Variants in CENPE observed in about 807,000 individuals in gnomAD.
The protein encoded by CENPE is centromere-associated protein E.
In CENPE, 145 loss-of-function variants were observed where a neutral mutation model predicts 336.1. That is an observed-to-expected ratio of 0.43 (90% CI 0.38 to 0.50). The LOEUF is 0.50. CENPE is among the 20% of genes least tolerant of loss of function. The pLI is 0.00. For synonymous variants in CENPE, 1,013 were observed against 984.8 expected, an observed-to-expected ratio of 1.03 and a Z score of -0.54; for missense variants, 2,719 against 3,023.3, an observed-to-expected ratio of 0.90 and a Z score of 2.36.
At chr4:103,161,607 T>G (rs1311600799) in intron 18 of CENPE, 150 bp from the exon 19 acceptor site, 3 of 638,096 alleles carry the variant, frequency 4.7e-6, no homozygotes. Flanking sequence ...AATAATGTTT[T>G]CCTAATAAAA....
chr4:103,172,535 A>C (rs891943197), intron 16 of CENPE, among the ~76,000 whole-genome samples: 4 of 152,038 alleles, frequency 2.6e-5, no homozygotes, highest in Admixed American at 1.3e-4. Context: ...TCTAAGATCT[A>C]GAACAGGATA....
chr4:103,191,534 A>T (rs1374391714), intron 8 of CENPE, among the ~76,000 whole-genome samples: 4 of 152,086 alleles, frequency 2.6e-5, no homozygotes, highest in Non-Finnish European at 5.9e-5. Context: ...CATTCTCAGC[A>T]AACTATCGCA....
In CENPE at chr4:103,122,959, G is replaced by A; in HGVS notation, c.7055C>T (p.Ser2352Phe). 2 of 1,613,908 alleles carry A rather than the reference G, an allele frequency of 1.2e-6. No individual in the cohort carries two copies. Among genetic ancestry groups the A allele is most frequent in the Non-Finnish European group, 1.7e-6 (2 of 1,179,854 alleles). The change falls in exon 43 of 49, where the codon TCC (serine) becomes TTC (phenylalanine). Residue 2352 changes from serine (S) to phenylalanine (F), a missense_variant. Physicochemically the swap from Ser to Phe is radical, Grantham distance 155. Coordinates refer to ENST00000265148, the MANE Select transcript of CENPE (RefSeq NM_001813.3). ...LFKNYQTLKT[S>F]LASGAQVNPT... ...ATTAACCTGGGCACCAGATGCCAAG[G>A]AAGTCTTCAATGTTTGGTAGTTTTT...
chr4:103,136,496 A>T, intron 39 of CENPE, 137 bp from the exon 40 acceptor site: 1 of 518,004 alleles, frequency 1.9e-6, no homozygotes, highest in Non-Finnish European at 3.3e-6. Flanking sequence ...TTGTGTCTAA[A>T]AACAAAAGGA....
chr4:103,122,670 TATA>T (rs1013533093), intron 43 of CENPE, among the ~76,000 whole-genome samples, 198 bp downstream of exon 43: 12 of 152,232 alleles, frequency 7.9e-5, no homozygotes, highest in Admixed American at 3.3e-4. Context: ...ATTTATGTTT[TATA>T]ATAATATCTT....
chr4:103,140,688 CTTA>C lies in CENPE; in HGVS notation c.5754+123_5754+125del, dbSNP rs3052340. 290,960 of 744,454 alleles carry C rather than the reference CTTA, an allele frequency of 0.39. 57,694 individuals carry two copies. Among genetic ancestry groups the C allele is most frequent in the Middle Eastern group, 0.49 (1,778 of 3,650 alleles). The allele number at this position is 744,454 out of a possible 1,614,324, so 46.1% of individuals were successfully genotyped here. ...TAGTTTTCCATTATACAGATAGTGC[CTTA>C]TTATTGGTGGACACTTAGATTATTT... is the stretch of plus-strand genomic sequence containing the variant. On this transcript the variant is annotated intron_variant, in intron 36 of 48. Coordinates refer to ENST00000265148, the MANE Select transcript of CENPE (RefSeq NM_001813.3).
At chr4:103,126,643 A>T (rs562211758) in intron 42 of CENPE, among the ~76,000 whole-genome samples, 21 of 152,154 alleles carry the variant, frequency 1.4e-4, no homozygotes, top group Admixed American at 5.9e-4. Context: ...CCAGAAATTT[A>T]AAAAAAATGG....
At chr4:103,156,538 C>T (rs192932579) in intron 24 of CENPE, among the ~76,000 whole-genome samples, 6 of 152,148 alleles carry the variant, frequency 3.9e-5, no homozygotes, top group Admixed American at 6.6e-5. Context: ...CACAAAAGAA[C>T]GAAGTTGTAC....
chr4:103,139,597 T>C (rs1042774608), intron 38 of CENPE, among the ~76,000 whole-genome samples, 192 bp downstream of exon 38: 6 of 152,176 alleles, frequency 3.9e-5, no homozygotes, highest in South Asian at 2.1e-4. Flanking sequence ...AAGAATTAAA[T>C]GTTATTTTCT....
Position 103,174,839 on chromosome 4 carries a change from T to A in CENPE, c.1544A>T (p.Glu515Val). Residue 515 changes from glutamate (E) to valine (V), a missense_variant, in exon 16 of 49, where the codon GAA becomes GTA. Physicochemically the swap from Glu to Val is moderately radical, Grantham distance 121. This residue lies in a region of CENPE where 2,437 missense variants were observed against 2,513.3 expected (regional missense o/e 0.97). Coordinates refer to ENST00000265148, the MANE Select transcript of CENPE (RefSeq NM_001813.3). Reference protein sequence around the residue: ...ADYDNLVLDYEQLRTEKEEME... With the variant: ...ADYDNLVLDYVQLRTEKEEME... The stretch of plus-strand genomic sequence containing the variant: ...TTCTTCTTTTTCTGTTCGTAGTTGT[T>A]CATAGTCTAATACCAGATTATCATA... 1 of 1,544,460 alleles carries A rather than the reference T, an allele frequency of 6.5e-7. No individual in the cohort carries two copies.
At chr4:103,117,341 T>C (rs535469567) in intron 44 of CENPE, among the ~76,000 whole-genome samples, 1 of 152,198 alleles carries the variant, frequency 6.6e-6, no homozygotes, top group South Asian at 2.1e-4. Flanking sequence ...CCATGACAGT[T>C]TATTTGTATT....
intron 46 of CENPE, among the ~76,000 whole-genome samples, chr4:103,113,474 CTT>C (rs958059920): frequency 3.1e-4 from 42 of 136,580 alleles, no homozygotes; most frequent in Non-Finnish European, 5.4e-4. Flanking sequence ...TAATATATAA[CTT>C]ATATATTACT....
chr4:103,159,186 G>C lies in CENPE; in HGVS notation c.2425C>G (p.Gln809Glu). 6.2e-7 allele frequency: 1 copy of C among 1,612,888 alleles called. No homozygotes were observed. The highest frequency in any genetic ancestry group is 8.5e-7 in the Non-Finnish European group (1 of 1,179,246). ...GKTKDDLATTQSNYKSTDQEF... is the reference protein window; with the variant it reads ...GKTKDDLATTESNYKSTDQEF... ...TGATCAGTGCTTTTATAATTCGACT[G>C]TGTAGTTGCTAGGTCATCTTTTGTT... is the stretch of plus-strand genomic sequence containing the variant. The change falls in exon 22 of 49, where the codon CAG becomes GAG. Residue 809 changes from glutamine (Q) to glutamate (E), a missense_variant. Gln to Glu is a conservative substitution (Grantham distance 29). This residue lies in a region of CENPE where 2,437 missense variants were observed against 2,513.3 expected (regional missense o/e 0.97). Coordinates refer to ENST00000265148, the MANE Select transcript of CENPE (RefSeq NM_001813.3).
chr4:103,192,255 T>C (rs1757420002), intron 8 of CENPE, among the ~76,000 whole-genome samples: 1 of 151,976 alleles, frequency 6.6e-6, no homozygotes, highest in Non-Finnish European at 1.5e-5. Context: ...CACAGATACA[T>C]AATAAAAGGG....
intron 47 of CENPE, among the ~76,000 whole-genome samples, chr4:103,110,471 T>C (rs530017614): frequency 6.6e-6 from 1 of 152,304 alleles, no homozygotes; most frequent in African/African-American, 2.4e-5. Context: ...TTGTTAGATC[T>C]GTTTATAAAG....
intron 34 of CENPE, 127 bp downstream of exon 34, chr4:103,143,121 T>A: frequency 1.7e-6 from 1 of 588,922 alleles, no homozygotes; most frequent in East Asian, 3.1e-5. Flanking sequence ...TCAATGATAG[T>A]TTCTAAATTG....
Position 103,110,995 on chromosome 4 carries a change from A to C in CENPE, c.7557T>G (p.Thr2519=), listed in dbSNP as rs748139589. Residue 2519 remains threonine (T), a synonymous_variant, in exon 47 of 49, where the codon ACT becomes ACG. Coordinates refer to ENST00000265148, the MANE Select transcript of CENPE (RefSeq NM_001813.3). Reference sequence around the variant, plus strand: ...AGGGTTTATTTGAAGGCTGAGGATCAGTATGTTCTGATATCACTGTGGGAG... The same window carrying C: ...AGGGTTTATTTGAAGGCTGAGGATCCGTATGTTCTGATATCACTGTGGGAG... ...AQDTSVISEH[T]DPQPSNKPLT... The C allele has an allele frequency of 1.9e-6, 3 of 1,599,386 alleles. No individual in the cohort carries two copies. The highest frequency in any genetic ancestry group is 1.7e-6 in the Non-Finnish European group (2 of 1,174,742).
At chr4:103,142,014 T>C (rs979676188) in intron 34 of CENPE, 106 bp from the exon 35 acceptor site, 5 of 708,642 alleles carry the variant, frequency 7.1e-6, no homozygotes, top group South Asian at 3.8e-5. Flanking sequence ...TGTTACTCTA[T>C]ATCTTTGCTG....
At chr4:103,114,667 G>A in intron 45 of CENPE, 115 bp from the exon 46 acceptor site, 1 of 667,486 alleles carries the variant, frequency 1.5e-6, no homozygotes, top group Non-Finnish European at 2.6e-6. Context: ...ATGCCTGTAA[G>A]TGGCAGTAGA....
Sources: gnomAD v4.1 joint callset for allele counts (sites outside exome capture counted in the v4.1 genomes callset) on GRCh38, gnomAD v4.1.1 for gene constraint, gnomAD v4.1.1 regional missense constraint, MANE v1.5 for transcripts, NCBI Gene and HGNC (gene_info 2026-07-23, HGNC 2026-07-21) for gene names.